The following PPM1H variants were observed in gnomAD, a reference collection of about 807,000 sequenced individuals.
PPM1H encodes the protein protein phosphatase, Mg2+/Mn2+ dependent 1H, also known as protein phosphatase 1H.
A neutral mutation model predicts 54.9 loss-of-function variants in PPM1H; 27 were observed. The observed-to-expected ratio is 0.49, with a 90% CI of 0.36 to 0.68. PPM1H has a LOEUF of 0.68. Among genes scored for constraint, PPM1H ranks in the 30% least tolerant of loss-of-function variants. The pLI is 0.00. For missense variants in PPM1H, 596 were observed against 667.8 expected, an observed-to-expected ratio of 0.89 and a Z score of 1.19; for synonymous variants, 305 against 270.8, an observed-to-expected ratio of 1.13 and a Z score of -1.24.
intron 9 of PPM1H, among the ~76,000 whole-genome samples, chr12:62,654,078 C>CA (rs1407589443): frequency 1.3e-5 from 2 of 151,628 alleles, no homozygotes; most frequent in African/African-American, 2.4e-5. Context: ...CCTGTCTCTA[C>CA]AAAAAAATAC....
At chr12:62,876,951 G>T (rs1870194558) in intron 1 of PPM1H, among the ~76,000 whole-genome samples, 1 of 152,152 alleles carries the variant, frequency 6.6e-6, no homozygotes, top group Non-Finnish European at 1.5e-5. Context: ...AGCAAGAATT[G>T]GAACAGGCTC....
intron 1 of PPM1H, among the ~76,000 whole-genome samples, chr12:62,892,893 C>T (rs1220203557): frequency 6.6e-6 from 1 of 152,166 alleles, no homozygotes; most frequent in Non-Finnish European, 1.5e-5. Context: ...GAAATTCCTC[C>T]CATCTCTGTA....
chr12:62,650,119 G>A (rs2075807462), intron 9 of PPM1H, among the ~76,000 whole-genome samples: 1 of 152,122 alleles, frequency 6.6e-6, no homozygotes, highest in Non-Finnish European at 1.5e-5. Context: ...CTTTCATGTT[G>A]AGAACTGCAT....
At chr12:62,838,339 G>T (rs570885512) in intron 1 of PPM1H, among the ~76,000 whole-genome samples, 7 of 80,130 alleles carry the variant, frequency 8.7e-5, no homozygotes, top group Admixed American at 2.1e-4. Flanking sequence ...GTGTGTGTGT[G>T]GGGGGGGGGA....
chr12:62,858,574 T>C (rs1217217998), intron 1 of PPM1H, among the ~76,000 whole-genome samples: 1 of 152,176 alleles, frequency 6.6e-6, no homozygotes, highest in Non-Finnish European at 1.5e-5. Context: ...AGGGCAGAAA[T>C]TGTGAGTAAA....
chr12:62,869,836 C>T (rs1394641034), intron 1 of PPM1H, among the ~76,000 whole-genome samples: 1 of 152,152 alleles, frequency 6.6e-6, no homozygotes, highest in Non-Finnish European at 1.5e-5. Flanking sequence ...ACTTCAAGGC[C>T]TTCAAACATG....
chr12:62,934,703 A>T lies in PPM1H; in HGVS notation c.34T>A (p.Phe12Ile), dbSNP rs1872267538. The T allele has an allele frequency of 6.2e-7, 1 of 1,606,606 alleles. No individual in the cohort carries two copies. The highest frequency in any genetic ancestry group is 8.5e-7 in the Non-Finnish European group (1 of 1,176,250). ...LTRVKSAVAN[F>I]MGGIMAGSSG... ...CTGCCAGCCATGATGCCGCCCATGA[A>T]ATTGGCCACGGCAGATTTCACTCGA... Residue 12 changes from phenylalanine to isoleucine, a missense_variant, in exon 1 of 10, where the codon TTC becomes ATC. This residue lies in a region of PPM1H where 382 missense variants were observed against 387.1 expected (regional missense o/e 0.99). Coordinates refer to ENST00000228705, the MANE Select transcript of PPM1H (RefSeq NM_020700.2). This position sits in a 1 kb window ranked among gnomAD's most constrained non-coding sequence, Gnocchi z 4.2.
chr12:62,722,721 A>T (rs2076270326), intron 5 of PPM1H, among the ~76,000 whole-genome samples: 1 of 152,220 alleles, frequency 6.6e-6, no homozygotes, highest in South Asian at 2.1e-4. Flanking sequence ...TCATTGAATG[A>T]ATAACTCATT....
chr12:62,819,314 A>T (rs1013857068), intron 2 of PPM1H, among the ~76,000 whole-genome samples: 4 of 150,540 alleles, frequency 2.7e-5, no homozygotes, highest in African/African-American at 9.8e-5. Flanking sequence ...TATTTTTAGT[A>T]AAGATGGGTT....
intron 4 of PPM1H, among the ~76,000 whole-genome samples, chr12:62,744,021 TA>T (rs1235722805): frequency 3.8e-4 from 58 of 152,106 alleles, no homozygotes; most frequent in Non-Finnish European, 6.5e-4. Flanking sequence ...GCTAAAGAAA[TA>T]AAAGACTCAG....
intron 6 of PPM1H, among the ~76,000 whole-genome samples, chr12:62,707,520 T>C (rs550471906): frequency 6.6e-6 from 1 of 152,312 alleles, no homozygotes; most frequent in African/African-American, 2.4e-5. Context: ...TGTAACAAAC[T>C]CTAGGGCTGC....
At chr12:62,780,669 C>T (rs894752148) in intron 4 of PPM1H, among the ~76,000 whole-genome samples, 1 of 152,140 alleles carries the variant, frequency 6.6e-6, no homozygotes, top group Non-Finnish European at 1.5e-5. Context: ...TTAAGCTTCA[C>T]CTGGTATTTA....
chr12:62,683,914 C>T (rs980960319), intron 8 of PPM1H, among the ~76,000 whole-genome samples: 5 of 152,144 alleles, frequency 3.3e-5, no homozygotes, highest in African/African-American at 1.2e-4. Context: ...GGCTGCCAGC[C>T]TGTGCTGGGC....
intron 4 of PPM1H, among the ~76,000 whole-genome samples, chr12:62,756,821 G>C (rs937677136): frequency 6.6e-6 from 1 of 152,150 alleles, no homozygotes; most frequent in East Asian, 1.9e-4. Context: ...GCAGAGATGA[G>C]AGGGAAAGAG....
At chr12:62,766,526 C>T (rs2076544550) in intron 4 of PPM1H, among the ~76,000 whole-genome samples, 1 of 151,590 alleles carries the variant, frequency 6.6e-6, no homozygotes, top group Admixed American at 6.6e-5. Context: ...TCAGTTTACA[C>T]AACTCAGGGC....
intron 5 of PPM1H, chr12:62,721,158 C>T (rs979173001): frequency 2.0e-5 from 3 of 152,286 alleles, no homozygotes; most frequent in Non-Finnish European, 4.4e-5. Context: ...AGCAAGGGAT[C>T]TCTGCCACCA....
intron 4 of PPM1H, among the ~76,000 whole-genome samples, chr12:62,784,578 C>T (rs547081715): frequency 2.6e-5 from 4 of 152,272 alleles, no homozygotes; most frequent in African/African-American, 7.2e-5. Context: ...AAAACTTAGC[C>T]CTTCATTAAT....
At chr12:62,760,562 C>T (rs1180766497) in intron 4 of PPM1H, among the ~76,000 whole-genome samples, 3 of 152,220 alleles carry the variant, frequency 2.0e-5, no homozygotes, top group Non-Finnish European at 4.4e-5. Context: ...CCCCCACCTG[C>T]TCAACAATTT....
In PPM1H at chr12:62,880,856, G is replaced by T. The variant is rs145337191; in HGVS notation, c.246-48577C>A. 4.2e-3 allele frequency among the ~76,000 whole-genome samples: 645 copies of T among 152,208 alleles called. 6 individuals are homozygous for T. The highest frequency in any genetic ancestry group is 0.017 in the Middle Eastern group (5 of 294). On this transcript the variant is annotated intron_variant, in intron 1 of 9. Coordinates refer to ENST00000228705, the MANE Select transcript of PPM1H (RefSeq NM_020700.2). Reference sequence around the variant, plus strand: ...GATGATCCACCGAGTGGAGTCACCTGGTTCTAACTACCATGCATATGTTGG... The same window carrying T: ...GATGATCCACCGAGTGGAGTCACCTTGTTCTAACTACCATGCATATGTTGG...
Sources: allele counts gnomAD v4.1 joint callset (sites outside exome capture counted in the v4.1 genomes callset), GRCh38; gene constraint gnomAD v4.1.1; regional missense constraint gnomAD v4.1.1; non-coding constraint Gnocchi (gnomAD v3.1); transcripts MANE v1.5; gene names NCBI Gene and HGNC (gene_info 2026-07-23, HGNC 2026-07-21).